Variants in ZBTB20 observed in about 807,000 individuals in gnomAD.
ZBTB20 encodes zinc finger and BTB domain containing 20.
A neutral mutation model predicts 56.9 loss-of-function variants in ZBTB20; 9 were observed. The ratio of observed to expected loss-of-function variants is 0.16; its 90% CI spans 0.10 to 0.28. The LOEUF (loss-of-function observed/expected upper bound fraction) is 0.28, where lower values mean the gene tolerates loss of function less well. Ranked by LOEUF, ZBTB20 falls within the 10% of genes least tolerant of loss-of-function variation. The probability of loss-of-function intolerance (pLI) is 1.00; values close to 1 mark genes in which losing one functional copy is unlikely to be tolerated. For missense variants in ZBTB20, 655 were observed against 1,003.0 expected (o/e 0.65, Z 4.69); for synonymous variants, 417 against 420.7 (o/e 0.99, Z 0.11).
intron 4 of ZBTB20, among the ~76,000 whole-genome samples, chr3:114,839,964 A>G (rs1359190279): frequency 6.6e-6 from 1 of 152,184 alleles, no homozygotes; most frequent in Non-Finnish European, 1.5e-5. Context: ...ACTAAATTTA[A>G]GCTGTTTTAG....
chr3:114,373,897 T>C (rs2083311929), intron 10 of ZBTB20, among the ~76,000 whole-genome samples: 1 of 152,074 alleles, frequency 6.6e-6, no homozygotes, highest in Non-Finnish European at 1.5e-5. Flanking sequence ...TGTAGGGAAA[T>C]AATAAGTTTT....
At chr3:114,746,112 G>C (rs1309345027) in intron 5 of ZBTB20, among the ~76,000 whole-genome samples, 1 of 152,184 alleles carries the variant, frequency 6.6e-6, no homozygotes, top group African/African-American at 2.4e-5. Flanking sequence ...AGGACATGCT[G>C]ATCAGATTGC....
At position 114,642,975 on chromosome 3, in the gene ZBTB20, G is replaced by A. The variant is rs188812559; in HGVS notation, c.-295+50553C>T. The stretch of plus-strand genomic sequence containing the variant: ...TCACTTGACCCGATATATCAAAAAG[G>A]TTGCAAAATTTGAATTAGACTTTAG... On this transcript the variant is annotated intron_variant, in intron 6 of 11. Transcript: ENST00000675478. Among the ~76,000 whole-genome samples the A allele has an allele frequency of 8.4e-4, 128 of 152,112 alleles. 1 individual carries two copies. Among genetic ancestry groups the A allele is most frequent in the South Asian group, 1.9e-3 (9 of 4,826 alleles).
chr3:114,768,596 G>C (rs559659450), intron 5 of ZBTB20, among the ~76,000 whole-genome samples: 1 of 152,116 alleles, frequency 6.6e-6, no homozygotes, highest in African/African-American at 2.4e-5. Context: ...CTATATGTAA[G>C]AGGAAACAGA....
chr3:114,925,769 GC>G (rs2076135945), intron 3 of ZBTB20, among the ~76,000 whole-genome samples: 2 of 151,982 alleles, frequency 1.3e-5, no homozygotes, highest in South Asian at 4.1e-4. Context: ...CTCGTGATCT[GC>G]CCACCTTGGC....
At chr3:114,448,252 CA>C (rs1295016429) in intron 7 of ZBTB20, among the ~76,000 whole-genome samples, 1 of 148,832 alleles carries the variant, frequency 6.7e-6, no homozygotes, top group Non-Finnish European at 1.5e-5. Flanking sequence ...TTCAGCAAGC[CA>C]AAAAAGTCAC....
chr3:114,827,023 G>A (rs1480157900), intron 4 of ZBTB20, among the ~76,000 whole-genome samples: 1 of 151,558 alleles, frequency 6.6e-6, no homozygotes, highest in East Asian at 1.9e-4. Context: ...CCCTAAAGTG[G>A]GAGGATTTAG....
intron 7 of ZBTB20, among the ~76,000 whole-genome samples, chr3:114,469,679 G>C (rs2039901040): frequency 1.3e-5 from 2 of 152,122 alleles, no homozygotes; most frequent in Non-Finnish European, 1.5e-5. Context: ...GTTTTGGCTG[G>C]CCACAGACTT....
At position 114,401,424 on chromosome 3, in the gene ZBTB20, A is replaced by G. The variant is rs541318364; in HGVS notation, c.-254-12319T>C. On this transcript the variant is annotated intron_variant, in intron 7 of 11. Coordinates refer to ENST00000675478, the MANE Select transcript of ZBTB20 (RefSeq NM_001348800.3). Reference sequence around the variant, plus strand: ...TGAAAATTTCACTGGATTGTCTGCTAGCTTGTACCAACTAGCTTCAACTTT... The same window carrying G: ...TGAAAATTTCACTGGATTGTCTGCTGGCTTGTACCAACTAGCTTCAACTTT... Among the ~76,000 whole-genome samples the G allele has an allele frequency of 2.1e-4, 32 of 152,248 alleles. 1 individual carries two copies. In the South Asian group the frequency reaches 6.0e-3, roughly 29 times the overall value.
At chr3:115,142,646 A>T (rs1431837191) in intron 1 of ZBTB20, among the ~76,000 whole-genome samples, 2 of 150,138 alleles carry the variant, frequency 1.3e-5, no homozygotes, top group East Asian at 3.9e-4. Context: ...CTGGCGACAG[A>T]GCAAGACTCC....
chr3:114,654,664 T>C (rs181445869), intron 6 of ZBTB20, among the ~76,000 whole-genome samples: 3 of 152,236 alleles, frequency 2.0e-5, no homozygotes, highest in Non-Finnish European at 2.9e-5. Flanking sequence ...GTGGGAATAG[T>C]GTTCTGTAAA....
intron 3 of ZBTB20, among the ~76,000 whole-genome samples, chr3:114,938,395 T>G (rs545942593): frequency 6.8e-6 from 1 of 146,476 alleles, no homozygotes; most frequent in South Asian, 2.1e-4. Flanking sequence ...CTAGGGTTTT[T>G]ATGGTTTTAG....
intron 3 of ZBTB20, among the ~76,000 whole-genome samples, chr3:114,911,975 T>C (rs759147487): frequency 6.6e-6 from 1 of 151,584 alleles, no homozygotes; most frequent in Admixed American, 6.6e-5. Flanking sequence ...TATAACCAAA[T>C]TGTCAAAAGT....
chr3:114,805,634 A>G (rs1560271009), intron 4 of ZBTB20, among the ~76,000 whole-genome samples: 2 of 151,886 alleles, frequency 1.3e-5, no homozygotes. Context: ...TATATAACAT[A>G]CAATCCACTC....
At chr3:114,436,451 C>T (rs1404086687) in intron 7 of ZBTB20, among the ~76,000 whole-genome samples, 2 of 152,110 alleles carry the variant, frequency 1.3e-5, no homozygotes, top group Admixed American at 1.3e-4. Context: ...AGAGGAGACT[C>T]GAGATGACTG....
chr3:114,334,794 G>C lies in ZBTB20; in HGVS notation c.*4211C>G, dbSNP rs1391025025. On this transcript the variant is annotated 3_prime_UTR_variant, in exon 12 of 12. Transcript: ENST00000675478. Reference sequence around the variant, plus strand: ...ATTCAAAGCATTAGGAATTTGGGAAGAGAACGGTCTATAAAACTGTTATTA... The same window carrying C: ...ATTCAAAGCATTAGGAATTTGGGAACAGAACGGTCTATAAAACTGTTATTA... The C allele has an allele frequency of 1.3e-5, 2 of 152,180 alleles. No homozygotes were observed. Among genetic ancestry groups the C allele is most frequent in the South Asian group, 2.1e-4 (1 of 4,830 alleles). 9.4% of individuals were successfully genotyped at this position (152,180 alleles called of 1,614,324 possible).
At position 114,714,876 on chromosome 3, in the gene ZBTB20, C is replaced by G. The variant is rs113152439; in HGVS notation, c.-342-21301G>C. On this transcript the variant is annotated intron_variant, in intron 5 of 11. Coordinates refer to ENST00000675478, the MANE Select transcript of ZBTB20 (RefSeq NM_001348800.3). ...TTAAGAAAGCCATAACGTTCCTGCC[C>G]AGGCAGGCAGAAAGATAGACAGACC... 3.9e-5 allele frequency among the ~76,000 whole-genome samples: 6 copies of G among 152,320 alleles called. 1 individual carries two copies. The highest frequency in any genetic ancestry group is 1.4e-4 in the African/African-American group (6 of 41,572).
At chr3:114,893,216 G>T (rs1363526416) in intron 4 of ZBTB20, among the ~76,000 whole-genome samples, 1 of 152,178 alleles carries the variant, frequency 6.6e-6, no homozygotes, top group East Asian at 1.9e-4. Flanking sequence ...GTGTACTCAG[G>T]TCCAAATGTG....
At chr3:114,567,786 T>C (rs753051687) in intron 6 of ZBTB20, among the ~76,000 whole-genome samples, 3 of 152,194 alleles carry the variant, frequency 2.0e-5, no homozygotes, top group Non-Finnish European at 2.9e-5. Flanking sequence ...TTAAAATCTT[T>C]TGAAACCCCT....
Sources: allele counts gnomAD v4.1 joint callset (sites outside exome capture counted in the v4.1 genomes callset), GRCh38; gene constraint gnomAD v4.1.1; transcripts MANE v1.5; gene names NCBI Gene and HGNC (gene_info 2026-07-23, HGNC 2026-07-21).